Variants in RANBP9 observed in about 807,000 individuals in gnomAD.
RANBP9 encodes the protein RAN binding protein 9.
A neutral mutation model predicts 84.3 loss-of-function variants in RANBP9; 15 were observed. The observed-to-expected ratio is 0.18, with a 90% CI of 0.12 to 0.27. The LOEUF (loss-of-function observed/expected upper bound fraction) is 0.27, where lower values mean the gene tolerates loss of function less well. Ranked by LOEUF, RANBP9 falls within the 10% of genes least tolerant of loss-of-function variation. The pLI is 1.00. For missense variants in RANBP9, 809 were observed against 912.8 expected (o/e 0.89, Z 1.46); for synonymous variants, 392 against 349.6 (o/e 1.12, Z -1.35).
intron 2 of RANBP9, among the ~76,000 whole-genome samples, chr6:13,672,125 G>A (rs1765790993): frequency 6.6e-6 from 1 of 152,252 alleles, no homozygotes; most frequent in South Asian, 2.1e-4. Flanking sequence ...GTGAGAAAAG[G>A]AGCTCCACCT....
intron 1 of RANBP9, among the ~76,000 whole-genome samples, chr6:13,707,675 A>G (rs560697223): frequency 1.3e-5 from 2 of 152,344 alleles, no homozygotes; most frequent in East Asian, 3.9e-4. Context: ...AAAATTTAAA[A>G]TGAAAATTCC....
At chr6:13,649,095 T>C (rs1409748570) in intron 5 of RANBP9, among the ~76,000 whole-genome samples, 1 of 152,236 alleles carries the variant, frequency 6.6e-6, no homozygotes, top group Non-Finnish European at 1.5e-5. Flanking sequence ...TTCAATGGTA[T>C]GGGTAGCTTG....
rs1766430209 is a variant in RANBP9 at position 13,695,728 on chromosome 6, G to C, written c.683+1057C>G. ...GCATCTCTGATTTTCTCTTTGGCTT[G>C]ATTACCCTAAGAAAACTGAGGCAGT... is the stretch of plus-strand genomic sequence containing the variant. On this transcript the variant is annotated intron_variant, in intron 2 of 13. Coordinates refer to ENST00000011619, the MANE Select transcript of RANBP9 (RefSeq NM_005493.3). Among the ~76,000 whole-genome samples the C allele has an allele frequency of 2.6e-5, 4 of 152,002 alleles. No homozygotes were observed. In the South Asian group the frequency reaches 8.3e-4, roughly 31 times the overall value.
chr6:13,674,484 G>A (rs920851335), intron 2 of RANBP9, among the ~76,000 whole-genome samples: 6 of 152,162 alleles, frequency 3.9e-5, no homozygotes, highest in African/African-American at 1.4e-4. Flanking sequence ...ATTGTCAAGG[G>A]TCGTGATCAA....
At chr6:13,691,402 G>A (rs932860280) in intron 2 of RANBP9, among the ~76,000 whole-genome samples, 1 of 151,978 alleles carries the variant, frequency 6.6e-6, no homozygotes, top group Non-Finnish European at 1.5e-5. Context: ...AGGCAATAAA[G>A]AAATACAAGT....
chr6:13,701,041 C>T (rs1757956895), intron 1 of RANBP9, among the ~76,000 whole-genome samples: 1 of 152,196 alleles, frequency 6.6e-6, no homozygotes, highest in Admixed American at 6.5e-5. Context: ...CTTTCTAAAG[C>T]CTTCACGTCT....
chr6:13,709,304 C>CT (rs1277021385), intron 1 of RANBP9, among the ~76,000 whole-genome samples: 2 of 152,210 alleles, frequency 1.3e-5, no homozygotes, highest in Non-Finnish European at 2.9e-5. Flanking sequence ...GAGGAAGAAA[C>CT]TGAGGCTCAG....
chr6:13,711,479 C>T lies in RANBP9; in HGVS notation c.27G>A (p.Pro9=), dbSNP rs1458891155. The change falls in exon 1 of 14, where the codon CCG becomes CCA. Residue 9 remains proline, a synonymous_variant. Transcript: ENST00000011619. The part of the protein sequence containing the change: MSGQPPPP[P]PQQQQQQQQL... The stretch of plus-strand genomic sequence containing the variant: ...GCTGCTGCTGTTGCTGCTGCTGCGG[C>T]GGCGGCGGCGGCGGCTGCCCGGACA... 4 of 1,239,952 alleles carry T rather than the reference C, an allele frequency of 3.2e-6. No individual in the cohort carries two copies. Among genetic ancestry groups the T allele is most frequent in the Admixed American group, 6.9e-5 (2 of 28,884 alleles). 76.8% of individuals were successfully genotyped at this position (1,239,952 alleles called of 1,614,324 possible).
chr6:13,657,213 G>C lies in RANBP9; in HGVS notation c.800C>G (p.Thr267Ser). ...GAAAGTTGGTCCATAAGGTTGTCCA[G>C]TTCCAGAAGAACAAAACGAATGTCC... ...DDGHSFCSSG[T>S]GQPYGPTFTT... The change falls in exon 4 of 14, where the codon ACT (threonine) becomes AGT (serine). Residue 267 changes from threonine to serine, a missense_variant. Thr to Ser is a moderately conservative substitution (Grantham distance 58, BLOSUM62 1). Around this residue, in one of 5 missense-constraint regions of RANBP9, gnomAD observed 216 missense variants for 329.0 expected, o/e 0.66. Coordinates refer to ENST00000011619, the MANE Select transcript of RANBP9 (RefSeq NM_005493.3). 6.2e-7 allele frequency: 1 copy of C among 1,613,312 alleles called. No individual in the cohort carries two copies. The highest frequency in any genetic ancestry group is 1.1e-5 in the South Asian group (1 of 90,962).
chr6:13,665,058 T>A (rs1316082478), intron 2 of RANBP9, among the ~76,000 whole-genome samples: 1 of 152,128 alleles, frequency 6.6e-6, no homozygotes, highest in East Asian at 1.9e-4. Flanking sequence ...CTGACATCCA[T>A]GTGGAAAAAA....
At chr6:13,643,634 T>C (rs1379987735) in intron 6 of RANBP9, among the ~76,000 whole-genome samples, 1 of 152,086 alleles carries the variant, frequency 6.6e-6, no homozygotes, top group Non-Finnish European at 1.5e-5. Context: ...ATCCTGGTTA[T>C]AAGGTTAAGA....
intron 2 of RANBP9, among the ~76,000 whole-genome samples, chr6:13,684,370 T>C (rs1333896824): frequency 6.6e-6 from 1 of 152,224 alleles, no homozygotes; most frequent in Non-Finnish European, 1.5e-5. Flanking sequence ...TTTGTCTGAG[T>C]ATATCAGCTC....
chr6:13,661,161 T>G (rs895657087), intron 2 of RANBP9, among the ~76,000 whole-genome samples: 16 of 152,258 alleles, frequency 1.1e-4, no homozygotes, highest in African/African-American at 3.9e-4. Context: ...AGAGCTTATT[T>G]GACATTGTGG....
intron 5 of RANBP9, among the ~76,000 whole-genome samples, chr6:13,648,998 C>A (rs1562304324): frequency 1.3e-5 from 2 of 152,108 alleles, no homozygotes; most frequent in Non-Finnish European, 2.9e-5. Context: ...CTAAGGTTTT[C>A]AAAGCTGTAT....
intron 5 of RANBP9, among the ~76,000 whole-genome samples, chr6:13,645,668 T>C (rs935982736): frequency 2.6e-5 from 4 of 152,198 alleles, no homozygotes; most frequent in Admixed American, 6.5e-5. Context: ...AGAGATGGAA[T>C]TGGAACACAA....
chr6:13,632,485 C>T lies in RANBP9; in HGVS notation c.1832G>A (p.Gly611Glu). The T allele has an allele frequency of 6.2e-7, 1 of 1,613,750 alleles. No individual in the cohort carries two copies. Residue 611 changes from glycine to glutamate, a missense_variant, in exon 12 of 14, where the codon GGA (glycine) becomes GAA (glutamate). By Grantham distance (98) the Gly-to-Glu change is moderately conservative. This residue lies in a region of RANBP9 where 233 missense variants were observed against 234.4 expected (regional missense o/e 0.99). Coordinates refer to ENST00000011619, the MANE Select transcript of RANBP9 (RefSeq NM_005493.3). ...DSSQLRRQLC[G>E]GSQAAIERMI... ...TCTTTCTATGGCGGCCTGACTTCCT[C>T]CACACAACTGGCGTCTCAACTGACT...
At chr6:13,638,329 CTTG>C (rs1045401910) in intron 9 of RANBP9, among the ~76,000 whole-genome samples, 9 of 151,988 alleles carry the variant, frequency 5.9e-5, no homozygotes, top group African/African-American at 1.9e-4. Flanking sequence ...GGGAATCACA[CTTG>C]TTGTACAGAG....
At chr6:13,639,864 G>A in intron 8 of RANBP9, 111 bp from the exon 9 acceptor site, 3 of 908,948 alleles carry the variant, frequency 3.3e-6, no homozygotes, top group Non-Finnish European at 4.9e-6. Flanking sequence ...AGTAGGATTG[G>A]TCTTTAGTAA....
intron 2 of RANBP9, among the ~76,000 whole-genome samples, chr6:13,692,636 G>A (rs1057089879): frequency 6.6e-6 from 1 of 151,228 alleles, no homozygotes; most frequent in African/African-American, 2.4e-5. Context: ...CGGATCACCT[G>A]AGGTCAGGAG....
Sources: gnomAD v4.1 joint callset for allele counts (sites outside exome capture counted in the v4.1 genomes callset) on GRCh38, gnomAD v4.1.1 for gene constraint, gnomAD v4.1.1 regional missense constraint, MANE v1.5 for transcripts, NCBI Gene and HGNC (gene_info 2026-07-23, HGNC 2026-07-21) for gene names.